NAALAD2: variants seen among roughly 807,000 people sequenced by gnomAD.
NAALAD2 encodes N-acetylated alpha-linked acidic dipeptidase 2.
NAALAD2 carries 89 observed loss-of-function variants against 95.6 expected under a neutral mutation model. The ratio of observed to expected loss-of-function variants is 0.93; its 90% CI spans 0.78 to 1.11. NAALAD2 has a LOEUF of 1.11. NAALAD2 is among the 50% of genes least tolerant of loss of function. The pLI is 0.00. For synonymous variants in NAALAD2, 264 were observed against 294.4 expected (o/e 0.90, Z 1.06); for missense variants, 894 against 872.4 (o/e 1.02, Z -0.31).
At chr11:90,173,266 A>C (rs1011026357) in intron 13 of NAALAD2, among the ~76,000 whole-genome samples, 10 of 152,296 alleles carry the variant, frequency 6.6e-5, no homozygotes, top group African/African-American at 1.9e-4. Context: ...AAATCCATAA[A>C]ATTTTAACTT....
rs181361988 is a variant in NAALAD2 at position 90,175,108 on chromosome 11, T to A, written c.1503-864T>A. ...AAAAATCTGAAGTCCAAAATATTTCTGGTCCCAAGCATTTCATATGGGATA... is the reference window on the plus strand; with the variant it reads ...AAAAATCTGAAGTCCAAAATATTTCAGGTCCCAAGCATTTCATATGGGATA... On this transcript the variant is annotated intron_variant, in intron 14 of 18. Transcript: ENST00000534061. Among the ~76,000 whole-genome samples the A allele has an allele frequency of 2.9e-3, 441 of 152,300 alleles. 3 individuals carry two copies. The highest frequency in any genetic ancestry group is 5.1e-3 in the Non-Finnish European group (348 of 67,994).
intron 3 of NAALAD2, among the ~76,000 whole-genome samples, chr11:90,148,491 A>G (rs1033767118): frequency 5.9e-5 from 9 of 152,142 alleles, no homozygotes; most frequent in African/African-American, 2.2e-4. Flanking sequence ...GAATTTTAAC[A>G]TGTTGAGTTT....
At chr11:90,171,716 G>A (rs928208588) in intron 13 of NAALAD2, among the ~76,000 whole-genome samples, 1 of 152,170 alleles carries the variant, frequency 6.6e-6, no homozygotes, top group Admixed American at 6.5e-5. Context: ...TCCCTAGTGT[G>A]TGTTAGCACA....
At chr11:90,161,659 A>G (rs1287989465) in intron 8 of NAALAD2, among the ~76,000 whole-genome samples, 2 of 152,202 alleles carry the variant, frequency 1.3e-5, no homozygotes, top group Non-Finnish European at 2.9e-5. Flanking sequence ...TTAAAGACGT[A>G]GATGTGCTTC....
At chr11:90,163,845 C>A in intron 11 of NAALAD2, 1 of 447,718 alleles carries the variant, frequency 2.2e-6, no homozygotes, top group South Asian at 6.3e-5. Context: ...AAAATATTTT[C>A]GTTGCCATTT....
At chr11:90,186,540 C>G (rs551134256) in intron 18 of NAALAD2, among the ~76,000 whole-genome samples, 1 of 152,124 alleles carries the variant, frequency 6.6e-6, no homozygotes, top group South Asian at 2.1e-4. Context: ...GGGTATATAC[C>G]CAGTAATGGG....
intron 15 of NAALAD2, among the ~76,000 whole-genome samples, chr11:90,177,007 G>T (rs1454435025): frequency 6.6e-6 from 1 of 152,120 alleles, no homozygotes; most frequent in Non-Finnish European, 1.5e-5. Flanking sequence ...GACCACTTTA[G>T]ATTAGAAGCA....
intron 11 of NAALAD2, among the ~76,000 whole-genome samples, chr11:90,167,054 C>G (rs1371441018): frequency 6.6e-6 from 1 of 152,204 alleles, no homozygotes; most frequent in Non-Finnish European, 1.5e-5. Context: ...CTCGCTCGCT[C>G]TCGGCGCCTC....
chr11:90,170,095 A>G lies in NAALAD2; in HGVS notation c.1369A>G (p.Thr457Ala). Reference sequence around the variant, plus strand: ...CAATTATACTCTCAGAGTTGACTGTACTCCCCTTCTTTACCAATTAGTGTA... The same window carrying G: ...CAATTATACTCTCAGAGTTGACTGTGCTCCCCTTCTTTACCAATTAGTGTA... Reference protein sequence around the residue: ...EGNYTLRVDCTPLLYQLVYKL... With the variant: ...EGNYTLRVDCAPLLYQLVYKL... The change falls in exon 13 of 19, where the codon ACT becomes GCT. Residue 457 changes from threonine to alanine, a missense_variant. Physicochemically the swap from Thr to Ala is moderately conservative, Grantham distance 58 (BLOSUM62 0). Transcript: ENST00000534061. 6.3e-7 allele frequency: 1 copy of G among 1,591,042 alleles called. No homozygotes were observed. Among genetic ancestry groups the G allele is most frequent in the Non-Finnish European group, 8.6e-7 (1 of 1,159,288 alleles).
intron 4 of NAALAD2, among the ~76,000 whole-genome samples, chr11:90,149,608 AT>A (rs966533958): frequency 4.0e-5 from 6 of 149,782 alleles, no homozygotes; most frequent in Admixed American, 2.7e-4. Flanking sequence ...CTAATTTTGT[AT>A]TTTTTTTTAG....
intron 2 of NAALAD2, among the ~76,000 whole-genome samples, chr11:90,143,697 C>T (rs139693817): frequency 2.0e-4 from 30 of 152,192 alleles, no homozygotes; most frequent in East Asian, 7.7e-4. Flanking sequence ...ATACACTGAG[C>T]GAAGTACATA....
intron 2 of NAALAD2, among the ~76,000 whole-genome samples, chr11:90,138,044 T>A (rs1320519543): frequency 1.3e-5 from 2 of 152,136 alleles, no homozygotes; most frequent in Non-Finnish European, 2.9e-5. Context: ...CACATAACTT[T>A]TAATTCCCCC....
At chr11:90,163,862 G>A (rs1952366621) in intron 11 of NAALAD2, 2 of 458,658 alleles carry the variant, frequency 4.4e-6, no homozygotes, top group Non-Finnish European at 7.6e-6. Flanking sequence ...ATTTGCATTT[G>A]TTTTATAAAA....
intron 15 of NAALAD2, 125 bp from the exon 16 acceptor site, chr11:90,177,728 C>A: frequency 1.1e-6 from 1 of 930,410 alleles, no homozygotes; most frequent in Non-Finnish European, 1.5e-6. Flanking sequence ...GCTAGGATTA[C>A]AGATGTGAGC....
intron 18 of NAALAD2, among the ~76,000 whole-genome samples, chr11:90,190,518 A>C (rs754729997): frequency 6.6e-6 from 1 of 152,312 alleles, no homozygotes; most frequent in East Asian, 1.9e-4. Context: ...TTCCTATATC[A>C]AATTTTTTTT....
At chr11:90,153,274 A>T (rs1172681336) in intron 6 of NAALAD2, among the ~76,000 whole-genome samples, 2 of 152,190 alleles carry the variant, frequency 1.3e-5, no homozygotes, top group Admixed American at 6.6e-5. Context: ...CCTTGTATGT[A>T]CATGTTCTTT....
At position 90,178,063 on chromosome 11, in the gene NAALAD2, T is replaced by G; in HGVS notation, c.1804T>G (p.Tyr602Asp). 1 of 1,613,666 alleles carries G rather than the reference T, an allele frequency of 6.2e-7. No individual in the cohort carries two copies. The highest frequency in any genetic ancestry group is 8.5e-7 in the Non-Finnish European group (1 of 1,179,824). Residue 602 changes from tyrosine to aspartate, a missense_variant, in exon 16 of 19, where the codon TAT becomes GAT. Tyr to Asp is a radical substitution (Grantham distance 160). Transcript: ENST00000534061. ...EALKNYAASI[Y>D]NLSKKHDQQL... ...TTTGAAAAACTATGCAGCAAGTATC[T>G]ATAATCTATCTAAGAAACATGATCA...
chr11:90,177,353 A>C (rs1385191266), intron 15 of NAALAD2, among the ~76,000 whole-genome samples: 1 of 151,430 alleles, frequency 6.6e-6, no homozygotes, highest in Non-Finnish European at 1.5e-5. Context: ...GATAACTTTG[A>C]ACTATGCTGA....
chr11:90,135,339 C>T (rs1162648594), intron 1 of NAALAD2, among the ~76,000 whole-genome samples: 1 of 152,282 alleles, frequency 6.6e-6, no homozygotes, highest in East Asian at 1.9e-4. Flanking sequence ...AAGAGCTTCT[C>T]TTAAATAAAA....
Sources: gnomAD v4.1 joint callset for allele counts (sites outside exome capture counted in the v4.1 genomes callset) on GRCh38, gnomAD v4.1.1 for gene constraint, MANE v1.5 for transcripts, NCBI Gene and HGNC (gene_info 2026-07-23, HGNC 2026-07-21) for gene names.